Variants in C1QTNF1 observed in about 807,000 individuals in gnomAD.
The protein encoded by C1QTNF1 is C1q and TNF related 1.
Under a neutral mutation model 27.8 loss-of-function variants are expected in C1QTNF1, and 22 were observed. That is an observed-to-expected ratio of 0.79 (90% CI 0.56 to 1.13). C1QTNF1 has a LOEUF of 1.13. C1QTNF1 is among the 50% of genes most tolerant of loss of function. The pLI is 0.00. For missense variants in C1QTNF1, 373 were observed against 380.2 expected, an observed-to-expected ratio of 0.98 and a Z score of 0.16; for synonymous variants, 166 against 154.3, an observed-to-expected ratio of 1.08 and a Z score of -0.56.
At chr17:79,034,295 C>T (rs535862005) in intron 1 of C1QTNF1, 1 of 152,372 alleles carries the variant, frequency 6.6e-6, no homozygotes, top group African/African-American at 2.4e-5. Context: ...GGTGCCTCTT[C>T]TCTCTCACAC....
intron 1 of C1QTNF1, among the ~76,000 whole-genome samples, chr17:79,043,171 G>T (rs999295784): frequency 6.8e-6 from 1 of 146,194 alleles, no homozygotes; most frequent in African/African-American, 2.7e-5. Context: ...GATGGTATAT[G>T]TGTGTGAGTG....
In C1QTNF1 at chr17:79,048,206, C is replaced by A; in HGVS notation, c.*118C>A. ...TGGCTTTGGCATTCAGTGAGACGCC[C>A]TGCACACACAGAAAGCCAAAGCGAT... On this transcript the variant is annotated 3_prime_UTR_variant, in exon 4 of 4. Transcript: ENST00000579760. The A allele has an allele frequency of 9.9e-7, 1 of 1,008,448 alleles. No homozygotes were observed. Among genetic ancestry groups the A allele is most frequent in the Non-Finnish European group, 1.4e-6 (1 of 714,724 alleles). The allele number at this position is 1,008,448 out of a possible 1,614,324, so 62.5% of individuals were successfully genotyped here.
chr17:79,041,040 A>G (rs1259604690), intron 1 of C1QTNF1, among the ~76,000 whole-genome samples: 1 of 152,244 alleles, frequency 6.6e-6, no homozygotes, highest in African/African-American at 2.4e-5. Flanking sequence ...TTAATGAGGA[A>G]ATGTTCTCAA....
At chr17:79,044,975 G>A (rs1302818191) in intron 2 of C1QTNF1, among the ~76,000 whole-genome samples, 1 of 152,176 alleles carries the variant, frequency 6.6e-6, no homozygotes, top group African/African-American at 2.4e-5. Flanking sequence ...CCCAGGCACG[G>A]GGGGACACAT....
At chr17:79,044,287 G>A (rs2072508971) in intron 2 of C1QTNF1, among the ~76,000 whole-genome samples, 164 bp downstream of exon 2, 1 of 152,166 alleles carries the variant, frequency 6.6e-6, no homozygotes, top group Non-Finnish European at 1.5e-5. Context: ...ACAGACGAGC[G>A]ATTCCTCCTT....
rs549255082 is a variant in C1QTNF1 at position 79,044,050 on chromosome 17, C to A, written c.82C>A (p.Pro28Thr). 1 of 1,613,918 alleles carries A rather than the reference C, an allele frequency of 6.2e-7. No individual in the cohort carries two copies. Among genetic ancestry groups the A allele is most frequent in the East Asian group, 2.2e-5 (1 of 44,872 alleles). Residue 28 changes from proline (P) to threonine (T), a missense_variant, in exon 2 of 4, where the codon CCC becomes ACC. Pro to Thr is a conservative substitution (Grantham distance 38). Coordinates refer to ENST00000579760, the MANE Select transcript of C1QTNF1 (RefSeq NM_030968.5). ...FASGLVLSRV[P>T]HVQGEQQEWE... ...CTCTGGCCTGGTCCTGAGTCGTGTGCCCCATGTCCAGGGGGAACAGCAGGA... is the reference window on the plus strand; with the variant it reads ...CTCTGGCCTGGTCCTGAGTCGTGTGACCCATGTCCAGGGGGAACAGCAGGA...
chr17:79,032,041 T>C (rs1051212448), intron 1 of C1QTNF1, among the ~76,000 whole-genome samples: 1 of 152,150 alleles, frequency 6.6e-6, no homozygotes, highest in East Asian at 1.9e-4. Context: ...GAGGAGAGCA[T>C]TGGAGCCCTG....
At chr17:79,034,483 G>A (rs1364880183) in intron 1 of C1QTNF1, 1 of 152,294 alleles carries the variant, frequency 6.6e-6, no homozygotes, top group Non-Finnish European at 1.5e-5. Context: ...CGGCCTCCTT[G>A]TTTGCAGGGC....
intron 1 of C1QTNF1, among the ~76,000 whole-genome samples, chr17:79,043,040 ATG>A (rs777107786): frequency 1.5e-4 from 22 of 148,970 alleles, no homozygotes; most frequent in Non-Finnish European, 3.1e-4. Context: ...ATGTATATGA[ATG>A]TGTGTGCATG....
At chr17:79,042,054 C>T (rs911804929) in intron 1 of C1QTNF1, among the ~76,000 whole-genome samples, 2 of 152,242 alleles carry the variant, frequency 1.3e-5, no homozygotes, top group African/African-American at 2.4e-5. Flanking sequence ...GCCGGCCTGG[C>T]AGCCAGGAGT....
At chr17:79,044,170 G>C (rs1209867436) in intron 2 of C1QTNF1, 47 bp downstream of exon 2, 1 of 1,518,856 alleles carries the variant, frequency 6.6e-7, no homozygotes, top group African/African-American at 1.4e-5. Flanking sequence ...GCTCTGGCCA[G>C]GCTGAGCCTG....
rs2072658092 is a variant in C1QTNF1, at chr17:79,048,301, G to A, written c.*213G>A. On this transcript the variant is annotated 3_prime_UTR_variant, in exon 4 of 4. Coordinates refer to ENST00000579760, the MANE Select transcript of C1QTNF1 (RefSeq NM_030968.5). ...ATGAAATCACCAGGGCGGGGCACCC[G>A]CGAGAACCCTCTGGGACCTTCCGCG... 2 of 572,486 alleles carry A rather than the reference G, an allele frequency of 3.5e-6. No homozygotes were observed. Among genetic ancestry groups the A allele is most frequent in the Non-Finnish European group, 5.9e-6 (2 of 337,248 alleles). 35.5% of individuals were successfully genotyped at this position (572,486 alleles called of 1,614,324 possible).
intron 1 of C1QTNF1, among the ~76,000 whole-genome samples, chr17:79,038,783 T>G (rs1404829587): frequency 6.6e-6 from 1 of 152,242 alleles, no homozygotes; most frequent in Admixed American, 6.5e-5. Flanking sequence ...AACAGTGATC[T>G]GGAGCCAAGT....
intron 1 of C1QTNF1, among the ~76,000 whole-genome samples, chr17:79,030,485 T>TTCTTTCTTTCTTTCTTTCTTTC (rs1471598732): frequency 1.6e-5 from 2 of 121,804 alleles, no homozygotes; most frequent in Non-Finnish European, 3.3e-5. Context: ...CTTTCTTTCT[T>TTCTTTCTTTCTTTCTTTCTTTC]TTTCTTTCTT....
chr17:79,024,360 T>TC lies in C1QTNF1; in HGVS notation c.-147dup. On this transcript the variant is annotated 5_prime_UTR_variant, in exon 1 of 4. Coordinates refer to ENST00000579760, the MANE Select transcript of C1QTNF1 (RefSeq NM_030968.5). Reference sequence around the variant, plus strand: ...CCCACCCTCCTCTTCTGCACTGCCGTCCTCCGGAAGACCTTTTCCCCTGCT... The same window carrying TC: ...CCCACCCTCCTCTTCTGCACTGCCGTCCCTCCGGAAGACCTTTTCCCCTGCT... 6.6e-6 allele frequency: 1 copy of TC among 152,072 alleles called. No individual in the cohort carries two copies. The highest frequency in any genetic ancestry group is 2.4e-5 in the African/African-American group (1 of 41,370). The allele number at this position is 152,072 out of a possible 1,614,324, so 9.4% of individuals were successfully genotyped here.
chr17:79,033,367 G>A (rs1465127857), intron 1 of C1QTNF1, among the ~76,000 whole-genome samples: 1 of 152,130 alleles, frequency 6.6e-6, no homozygotes, highest in Non-Finnish European at 1.5e-5. Flanking sequence ...TCAGTGGTGG[G>A]GACATGGAAT....
At chr17:79,028,411 C>A (rs79856222) in intron 1 of C1QTNF1, among the ~76,000 whole-genome samples, 1 of 152,194 alleles carries the variant, frequency 6.6e-6, no homozygotes, top group Non-Finnish European at 1.5e-5. Flanking sequence ...GGTCAGAAGG[C>A]GGGCAGGGCC....
At chr17:79,039,378 G>T (rs917655909) in intron 1 of C1QTNF1, among the ~76,000 whole-genome samples, 1 of 151,074 alleles carries the variant, frequency 6.6e-6, no homozygotes, top group South Asian at 2.1e-4. Flanking sequence ...TGGCTGGCGC[G>T]GTGGCAAACG....
At chr17:79,042,343 C>T (rs1269359684) in intron 1 of C1QTNF1, among the ~76,000 whole-genome samples, 2 of 152,236 alleles carry the variant, frequency 1.3e-5, no homozygotes, top group Non-Finnish European at 2.9e-5. Context: ...CCCTCGCGGG[C>T]TCCCTGGACT....
Sources: allele counts gnomAD v4.1 joint callset (sites outside exome capture counted in the v4.1 genomes callset), GRCh38; gene constraint gnomAD v4.1.1; transcripts MANE v1.5; gene names NCBI Gene and HGNC (gene_info 2026-07-23, HGNC 2026-07-21).